Variants in POC1B observed in about 807,000 individuals in gnomAD.
POC1B encodes POC1 centriolar protein B.
A neutral mutation model predicts 60.6 loss-of-function variants in POC1B; 44 were observed. The ratio of observed to expected loss-of-function variants is 0.73; its 90% confidence interval spans 0.57 to 0.93. The LOEUF is 0.93. POC1B is among the 40% of genes least tolerant of loss of function. The pLI, the probability that POC1B is intolerant of heterozygous loss-of-function variation, is 0.00. For missense variants in POC1B, 555 were observed against 572.3 expected, an observed-to-expected ratio of 0.97 and a Z score of 0.31; for synonymous variants, 180 against 198.9, an observed-to-expected ratio of 0.90 and a Z score of 0.80.
chr12:89,416,969 G>C (rs907531277), downstream of POC1B, among the ~76,000 whole-genome samples: 5 of 152,160 alleles, frequency 3.3e-5, no homozygotes, highest in Non-Finnish European at 7.4e-5. Flanking sequence ...TTGTTAGAAA[G>C]GTAAAGCCTA....
chr12:89,418,420 C>T (rs140676202), downstream of POC1B, among the ~76,000 whole-genome samples: 247 of 152,276 alleles, frequency 1.6e-3, 1 homozygote, highest in Middle Eastern at 3.4e-3. Flanking sequence ...TGCTGAAGAG[C>T]CACGTGCTTT....
At chr12:89,456,970 C>T (rs564821564) in intron 10 of POC1B, among the ~76,000 whole-genome samples, 3 of 152,258 alleles carry the variant, frequency 2.0e-5, no homozygotes, top group East Asian at 1.9e-4. Flanking sequence ...TTTAAAGAGA[C>T]ATCTTTTTTA....
Position 89,421,142 on chromosome 12 carries a change from G to A in POC1B, c.*11C>T, listed in dbSNP as rs1880513625. 1.3e-6 allele frequency: 2 copies of A among 1,568,614 alleles called. No homozygotes were observed. Among genetic ancestry groups the A allele is most frequent in the East Asian group, 4.5e-5 (2 of 44,022 alleles). On this transcript the variant is annotated 3_prime_UTR_variant, in exon 12 of 12. Transcript: ENST00000313546. ...GGGCCTCTGCCCAACAAATGAAAAT[G>A]AATTTTTTATTCAGCTTTTCTGTTG...
chr12:89,421,089 T>G lies in POC1B; in HGVS notation c.*64A>C. On this transcript the variant is annotated 3_prime_UTR_variant, in exon 12 of 12. Coordinates refer to ENST00000313546, the MANE Select transcript of POC1B (RefSeq NM_172240.3). Reference sequence around the variant, plus strand: ...TATGGAGTATCTTGTACTACCTTCCTGAGTGTATGTACATTTGTTCATTTA... The same window carrying G: ...TATGGAGTATCTTGTACTACCTTCCGGAGTGTATGTACATTTGTTCATTTA... The G allele has an allele frequency of 1.6e-6, 2 of 1,250,330 alleles. No individual in the cohort carries two copies. Among genetic ancestry groups the G allele is most frequent in the Non-Finnish European group, 2.3e-6 (2 of 885,354 alleles). 77.5% of individuals were successfully genotyped at this position (1,250,330 alleles called of 1,614,324 possible).
At chr12:89,500,722 AG>A in intron 2 of POC1B, 1 of 1,286,350 alleles carries the variant, frequency 7.8e-7, no homozygotes, top group Non-Finnish European at 1.1e-6. Context: ...TAAACTTTGA[AG>A]ATAAAGTTAT....
chr12:89,523,911 A>T, intron 2 of POC1B: 1 of 1,598,204 alleles, frequency 6.3e-7, no homozygotes, highest in Non-Finnish European at 8.5e-7. Flanking sequence ...AAGTGGCCCC[A>T]ATCAGACGGG....
chr12:89,415,037 C>G (rs190659437), downstream of POC1B, among the ~76,000 whole-genome samples: 5 of 152,322 alleles, frequency 3.3e-5, no homozygotes, highest in East Asian at 9.6e-4. Flanking sequence ...CCAAGCCCTT[C>G]CCCCACTTCT....
chr12:89,482,045 T>C (rs1460225228), intron 4 of POC1B, among the ~76,000 whole-genome samples: 2 of 152,182 alleles, frequency 1.3e-5, no homozygotes, highest in African/African-American at 2.4e-5. Context: ...TGTTTGGACA[T>C]ACAATTAAAA....
At chr12:89,525,460 C>T in intron 1 of POC1B, 1 of 1,346,824 alleles carries the variant, frequency 7.4e-7, no homozygotes, top group Non-Finnish European at 9.5e-7. Context: ...CAGCGCATCG[C>T]AGGAACCGCG....
chr12:89,473,134 A>C (rs1021184544), intron 4 of POC1B, among the ~76,000 whole-genome samples: 1 of 152,178 alleles, frequency 6.6e-6, no homozygotes, highest in African/African-American at 2.4e-5. Context: ...AAAAAGACAG[A>C]TTTGGGTCAC....
intron 10 of POC1B, among the ~76,000 whole-genome samples, chr12:89,432,988 GT>G (rs1881100206): frequency 6.6e-6 from 1 of 152,214 alleles, no homozygotes; most frequent in Non-Finnish European, 1.5e-5. Context: ...CAGAAGTCAA[GT>G]GAGGAAAGAG....
chr12:89,450,789 A>G (rs139244345), intron 10 of POC1B, among the ~76,000 whole-genome samples: 267 of 152,340 alleles, frequency 1.8e-3, no homozygotes, highest in African/African-American at 6.0e-3. Flanking sequence ...GTATTGGAAT[A>G]GGCATCCTTG....
chr12:89,492,084 T>C lies in POC1B; in HGVS notation c.304A>G (p.Thr102Ala), dbSNP rs1432657843. 1 of 1,578,708 alleles carries C rather than the reference T, an allele frequency of 6.3e-7. No individual in the cohort carries two copies. The highest frequency in any genetic ancestry group is 8.6e-7 in the Non-Finnish European group (1 of 1,168,506). ...AAGTCTACACTTCGAACTGGAGCTG[T>C]ATGAGCTTTAAATTCTGAGAATTTT... ...RGKFSEFKAH[T>A]APVRSVDFSA... The change falls in exon 4 of 12, where the codon ACA becomes GCA. Residue 102 changes from threonine (T) to alanine (A), a missense_variant. Physicochemically the swap from Thr to Ala is moderately conservative, Grantham distance 58. Coordinates refer to ENST00000313546, the MANE Select transcript of POC1B (RefSeq NM_172240.3).
At chr12:89,442,938 G>C (rs1881596619) in intron 10 of POC1B, among the ~76,000 whole-genome samples, 1 of 152,060 alleles carries the variant, frequency 6.6e-6, no homozygotes, top group Non-Finnish European at 1.5e-5. Context: ...ACAAAAAAAA[G>C]CAGGGGTTGC....
chr12:89,486,122 C>T (rs1317942895), intron 4 of POC1B, among the ~76,000 whole-genome samples: 1 of 152,182 alleles, frequency 6.6e-6, no homozygotes, highest in African/African-American at 2.4e-5. Context: ...CTGTCTGTCT[C>T]TCTTCAGTAA....
chr12:89,458,204 C>T (rs1336312209), intron 10 of POC1B, among the ~76,000 whole-genome samples: 1 of 152,206 alleles, frequency 6.6e-6, no homozygotes, highest in Non-Finnish European at 1.5e-5. Context: ...CATAAACCTC[C>T]TGTTTGCTCC....
chr12:89,459,604 A>C (rs775369785), intron 10 of POC1B, 34 bp downstream of exon 10: 1 of 1,126,560 alleles, frequency 8.9e-7, no homozygotes, highest in Non-Finnish European at 1.2e-6. Context: ...AATGCCACTT[A>C]AGTGTCAAAA....
chr12:89,509,933 C>T (rs984072478), intron 2 of POC1B, among the ~76,000 whole-genome samples: 1 of 152,184 alleles, frequency 6.6e-6, no homozygotes, highest in African/African-American at 2.4e-5. Flanking sequence ...GCAACCTCTG[C>T]CTCCCGGGTT....
intron 11 of POC1B, among the ~76,000 whole-genome samples, chr12:89,424,343 C>T (rs1166601940): frequency 6.6e-6 from 1 of 152,192 alleles, no homozygotes; most frequent in Non-Finnish European, 1.5e-5. Flanking sequence ...TTTAGCTGCT[C>T]TAATGATTAT....
Sources: gnomAD v4.1 joint callset for allele counts (sites outside exome capture counted in the v4.1 genomes callset) on GRCh38, gnomAD v4.1.1 for gene constraint, MANE v1.5 for transcripts, NCBI Gene and HGNC (gene_info 2026-07-23, HGNC 2026-07-21) for gene names.